PSMD3: variants seen among roughly 807,000 people sequenced by gnomAD.
PSMD3 encodes proteasome 26S subunit, non-ATPase 3.
In PSMD3, 5 loss-of-function variants were observed where a neutral mutation model predicts 62.8. That is an observed-to-expected ratio of 0.08 (90% CI 0.04 to 0.17). The LOEUF (loss-of-function observed/expected upper bound fraction) is 0.17, where lower values mean the gene tolerates loss of function less well. Ranked by LOEUF, PSMD3 falls within the 10% of genes least tolerant of loss-of-function variation. The pLI is 1.00. For missense variants in PSMD3, 524 were observed against 713.6 expected (o/e 0.73, Z 3.03); for synonymous variants, 265 against 283.9 (o/e 0.93, Z 0.67).
At position 39,981,112 on chromosome 17, in the gene PSMD3, A is replaced by G. The variant is rs543732649; in HGVS notation, c.142A>G (p.Thr48Ala). ...KEEAATGGGS[T>A]GEADGKTAAA... ...GGAGGCAGCGACGGGTGGCGGGTCG[A>G]CGGGGGAGGCAGACGGCAAGACGGC... Residue 48 changes from threonine (T) to alanine (A), a missense_variant, in exon 1 of 12, where the codon ACG (threonine) becomes GCG (alanine). Physicochemically the swap from Thr to Ala is moderately conservative, Grantham distance 58. Transcript: ENST00000264639. 2.1e-5 allele frequency: 33 copies of G among 1,550,600 alleles called. No individual in the cohort carries two copies. Among genetic ancestry groups the G allele is most frequent in the African/African-American group, 4.1e-5 (3 of 73,156 alleles).
At chr17:39,984,743 C>T (rs1980480606) in intron 2 of PSMD3, among the ~76,000 whole-genome samples, 2 of 152,296 alleles carry the variant, frequency 1.3e-5, no homozygotes, top group Admixed American at 1.3e-4. Context: ...ACCCCCTACT[C>T]CAGTTGAGGT....
chr17:39,990,302 G>T, intron 6 of PSMD3, 105 bp downstream of exon 6: 1 of 989,156 alleles, frequency 1.0e-6, no homozygotes, highest in South Asian at 1.7e-5. Flanking sequence ...GGTTCAAGAA[G>T]TCCTCCCACC....
chr17:39,983,179 C>T (rs1413573392), intron 1 of PSMD3, among the ~76,000 whole-genome samples: 1 of 152,058 alleles, frequency 6.6e-6, no homozygotes, highest in Non-Finnish European at 1.5e-5. Context: ...ATTACGGTCA[C>T]CCACCACCAC....
chr17:39,990,460 C>A (rs764426312), intron 6 of PSMD3, among the ~76,000 whole-genome samples: 7 of 152,196 alleles, frequency 4.6e-5, no homozygotes, highest in Non-Finnish European at 1.0e-4. Context: ...AGGACTTCAA[C>A]TTTTATTATT....
At chr17:39,989,276 G>A (rs74915818) in intron 4 of PSMD3, among the ~76,000 whole-genome samples, 1,727 of 152,194 alleles carry the variant, frequency 0.011, 40 homozygotes, top group African/African-American at 0.039. Context: ...TGGTGTGCCC[G>A]GCACACTCTT....
At chr17:39,986,454 C>T in intron 2 of PSMD3, 121 bp from the exon 3 acceptor site, 4 of 1,259,094 alleles carry the variant, frequency 3.2e-6, no homozygotes, top group South Asian at 1.4e-5. Context: ...TAGCACCTAA[C>T]AAAATCTTGG....
intron 1 of PSMD3, among the ~76,000 whole-genome samples, chr17:39,983,035 AT>A (rs555041284): frequency 1.2e-3 from 173 of 144,560 alleles, no homozygotes; most frequent in Middle Eastern, 7.3e-3. Context: ...GTACTCTATA[AT>A]TTTTTTTTTT....
rs770723577 is a variant in PSMD3, at chr17:39,981,028, G to A, written c.58G>A (p.Gly20Ser). 2 of 1,549,274 alleles carry A rather than the reference G, an allele frequency of 1.3e-6. No homozygotes were observed. Among genetic ancestry groups the A allele is most frequent in the South Asian group, 1.2e-5 (1 of 84,034 alleles). ...RGADKAKPPPGGGEQEPPPPP... is the reference protein window; with the variant it reads ...RGADKAKPPPSGGEQEPPPPP... ...CGCGGACAAGGCGAAACCGCCGCCC[G>A]GCGGAGGAGAACAAGAACCCCCACC... The change falls in exon 1 of 12, where the codon GGC (glycine) becomes AGC (serine). Residue 20 changes from glycine (G) to serine (S), a missense_variant. Physicochemically the swap from Gly to Ser is moderately conservative, Grantham distance 56. Coordinates refer to ENST00000264639, the MANE Select transcript of PSMD3 (RefSeq NM_002809.4).
rs1301883223 is a variant in PSMD3, at chr17:39,981,168, G to A, written c.198G>A (p.Glu66=). ...AAAAAEHSQR[E]LDTVTLEDIK... ...CAGCGGCTGAGCACTCCCAGCGAGAGCTGGACACAGTCACCTTGGAGGGTA... is the reference window on the plus strand; with the variant it reads ...CAGCGGCTGAGCACTCCCAGCGAGAACTGGACACAGTCACCTTGGAGGGTA... The change falls in exon 1 of 12, where the codon GAG becomes GAA. Residue 66 remains glutamate, a synonymous_variant. Transcript: ENST00000264639. The A allele has an allele frequency of 6.4e-7, 1 of 1,550,778 alleles. No homozygotes were observed. Among genetic ancestry groups the A allele is most frequent in the African/African-American group, 1.4e-5 (1 of 73,042 alleles).
chr17:39,997,485 C>T lies in PSMD3; in HGVS notation c.1528-19C>T. ...CTGAGCTGCTCTGAAGCTTTGGCCTCACTTGCCTCTCTCCCCAGGAACGGC... is the reference window on the plus strand; with the variant it reads ...CTGAGCTGCTCTGAAGCTTTGGCCTTACTTGCCTCTCTCCCCAGGAACGGC... On this transcript the variant is annotated intron_variant, in intron 11 of 11. Coordinates refer to ENST00000264639, the MANE Select transcript of PSMD3 (RefSeq NM_002809.4). The T allele has an allele frequency of 1.2e-6, 2 of 1,614,102 alleles. No individual in the cohort carries two copies. Among genetic ancestry groups the T allele is most frequent in the Non-Finnish European group, 1.7e-6 (2 of 1,179,914 alleles).
At chr17:39,988,562 G>C in intron 3 of PSMD3, 121 bp from the exon 4 acceptor site, 2 of 1,170,332 alleles carry the variant, frequency 1.7e-6, no homozygotes, top group Non-Finnish European at 2.4e-6. Flanking sequence ...TTTTATGTGA[G>C]CCTAAGTTTC....
chr17:39,981,218 C>G (rs559518237), intron 1 of PSMD3, 28 bp downstream of exon 1: 2 of 1,548,702 alleles, frequency 1.3e-6, no homozygotes, highest in African/African-American at 2.7e-5. Context: ...GGGAACGTGC[C>G]GCGATCGCGG....
In PSMD3 at chr17:39,996,224, G is replaced by T. The variant is rs1291114772; in HGVS notation, c.1362G>T (p.Glu454Asp). 6.2e-7 allele frequency: 1 copy of T among 1,614,052 alleles called. No individual in the cohort carries two copies. The highest frequency in any genetic ancestry group is 1.3e-5 in the African/African-American group (1 of 74,988). ...TCATTGAGGCCAGCATCAACCACGA[G>T]AAGGGCTATGTCCAATCCAAGGAGA... ...DGVIEASINH[E>D]KGYVQSKEMI... The change falls in exon 10 of 12, where the codon GAG becomes GAT. Residue 454 changes from glutamate to aspartate, a missense_variant. By Grantham distance (45) the Glu-to-Asp change is conservative (BLOSUM62 2). Transcript: ENST00000264639. The surrounding 1 kb of genome is among the most constrained non-coding windows in gnomAD (Gnocchi z 5.1).
chr17:39,996,867 C>T lies in PSMD3; in HGVS notation c.1477-463C>T, dbSNP rs985808217. 2.3e-6 allele frequency: 1 copy of T among 443,454 alleles called. No individual in the cohort carries two copies. Among genetic ancestry groups the T allele is most frequent in the Non-Finnish European group, 4.5e-6 (1 of 222,720 alleles). The allele number at this position is 443,454 out of a possible 1,614,324, so 27.5% of individuals were successfully genotyped here. A position where few individuals can be genotyped will look rare whatever the true frequency, so the allele number is the denominator to read the frequency against. On this transcript the variant is annotated intron_variant, in intron 10 of 11. Transcript: ENST00000264639. This position sits in a 1 kb window ranked among gnomAD's most constrained non-coding sequence, Gnocchi z 5.1. ...TGCTTGCCATGTTTTTTTCTGGTCT[C>T]CTCCGAGGAAACTAGGATATTGCTG...
chr17:39,985,609 C>T (rs1980505531), intron 2 of PSMD3, among the ~76,000 whole-genome samples: 1 of 152,230 alleles, frequency 6.6e-6, no homozygotes, highest in Non-Finnish European at 1.5e-5. Context: ...TCAGTCAGCT[C>T]CGTGGATGGG....
At chr17:39,990,842 A>G (rs1980638765) in intron 6 of PSMD3, among the ~76,000 whole-genome samples, 1 of 152,216 alleles carries the variant, frequency 6.6e-6, no homozygotes, top group Non-Finnish European at 1.5e-5. Flanking sequence ...AAATCTCTGC[A>G]AGGCTGAGTG....
At chr17:39,981,544 C>G (rs1029387333) in intron 1 of PSMD3, among the ~76,000 whole-genome samples, 4 of 152,210 alleles carry the variant, frequency 2.6e-5, no homozygotes, top group African/African-American at 7.2e-5. Flanking sequence ...ACTGATTGTT[C>G]CCGCTGGAAA....
intron 5 of PSMD3, 23 bp downstream of exon 5, chr17:39,989,952 TA>T: frequency 6.2e-7 from 1 of 1,603,028 alleles, no homozygotes; most frequent in Non-Finnish European, 8.5e-7. Context: ...GCCCAACCCA[TA>T]AATCAGAAGG....
At chr17:39,983,347 G>A (rs1261237940) in intron 1 of PSMD3, among the ~76,000 whole-genome samples, 2 of 151,992 alleles carry the variant, frequency 1.3e-5, no homozygotes, top group Non-Finnish European at 2.9e-5. Flanking sequence ...TTTTTTTAAT[G>A]TTACAAATTT....
Sources: gnomAD v4.1 joint callset for allele counts (sites outside exome capture counted in the v4.1 genomes callset) on GRCh38, gnomAD v4.1.1 for gene constraint, Gnocchi (gnomAD v3.1) non-coding constraint, MANE v1.5 for transcripts, NCBI Gene and HGNC (gene_info 2026-07-23, HGNC 2026-07-21) for gene names.